Variants in SMARCC1 observed in about 807,000 individuals in gnomAD.
The protein encoded by SMARCC1 is SWI/SNF complex subunit SMARCC1.
Under a neutral mutation model 147.4 loss-of-function variants are expected in SMARCC1, and 43 were observed. The observed-to-expected ratio is 0.29, with a 90% CI of 0.23 to 0.38. The LOEUF is 0.38. SMARCC1 is among the 10% of genes least tolerant of loss of function. SMARCC1 has a pLI of 1.00. For synonymous variants in SMARCC1, 495 were observed against 484.4 expected (o/e 1.02, Z -0.29); for missense variants, 1,119 against 1,381.1 (o/e 0.81, Z 3.01).
chr3:47,668,561 A>C (rs1218727825), intron 19 of SMARCC1, among the ~76,000 whole-genome samples: 1 of 152,212 alleles, frequency 6.6e-6, no homozygotes, highest in African/African-American at 2.4e-5. Flanking sequence ...TTTACCCAAA[A>C]GCTGTGCTTT....
At chr3:47,606,594 A>C (rs1413972939) in intron 26 of SMARCC1, among the ~76,000 whole-genome samples, 1 of 152,226 alleles carries the variant, frequency 6.6e-6, no homozygotes, top group Non-Finnish European at 1.5e-5. Flanking sequence ...GTGAGCAGTT[A>C]ATGTGAATAT....
At position 47,635,221 on chromosome 3, in the gene SMARCC1, G is replaced by C. The variant is rs1402796980; in HGVS notation, c.2615C>G (p.Ala872Gly). ...TTTGGTAGCCGCTGAGGCAAGAGCA[G>C]CTGCTGCGGCTGTGGCAACATTTCC... Reference protein sequence around the residue: ...SEGNVATAAAAALASAATKAK... With the variant: ...SEGNVATAAAGALASAATKAK... Residue 872 changes from alanine (A) to glycine (G), a missense_variant, in exon 24 of 28, where the codon GCT becomes GGT. Transcript: ENST00000254480. 10 of 1,613,794 alleles carry C rather than the reference G, an allele frequency of 6.2e-6. No homozygotes were observed. The highest frequency in any genetic ancestry group is 7.6e-6 in the Non-Finnish European group (9 of 1,179,964).
At chr3:47,740,178 C>CTTTTTTTTTTTTTTTTTTTTTTTTTTTT in intron 3 of SMARCC1, among the ~76,000 whole-genome samples, 1 of 35,710 alleles carries the variant, frequency 2.8e-5, no homozygotes, top group Non-Finnish European at 5.6e-5. Flanking sequence ...GCCCGGCCAT[C>CTTTTTTTTTTTTTTTTTTTTTTTTTTTT]TTTTTTTTTT....
intron 1 of SMARCC1, among the ~76,000 whole-genome samples, chr3:47,781,265 G>C (rs1452934159): frequency 6.6e-6 from 1 of 152,154 alleles, no homozygotes; most frequent in African/African-American, 2.4e-5. Context: ...ACGCTTGCTC[G>C]GTCTTTAGGG....
At chr3:47,616,229 G>A (rs2032643690) in intron 25 of SMARCC1, among the ~76,000 whole-genome samples, 1 of 152,138 alleles carries the variant, frequency 6.6e-6, no homozygotes, top group African/African-American at 2.4e-5. Context: ...GTGTGCTTCT[G>A]CCTAGCATCA....
At chr3:47,621,688 C>G (rs2032734358) in intron 25 of SMARCC1, among the ~76,000 whole-genome samples, 1 of 152,004 alleles carries the variant, frequency 6.6e-6, no homozygotes, top group Non-Finnish European at 1.5e-5. Flanking sequence ...GACTGAAAAG[C>G]TACATATTGG....
chr3:47,633,773 TATATATACACACACACACACAC>T (rs1330085301), intron 24 of SMARCC1, among the ~76,000 whole-genome samples: 1 of 13,220 alleles, frequency 7.6e-5, no homozygotes, highest in African/African-American at 1.0e-4. Context: ...AATATATATA[TATATATACACACACACACACAC>T]ACACACACAC....
intron 2 of SMARCC1, among the ~76,000 whole-genome samples, chr3:47,754,846 C>T (rs992484410): frequency 1.3e-5 from 2 of 152,104 alleles, no homozygotes; most frequent in Admixed American, 1.3e-4. Context: ...AGTTCGAGAC[C>T]AGCCTAGCCA....
chr3:47,617,845 A>G (rs2032667330), intron 25 of SMARCC1, among the ~76,000 whole-genome samples: 1 of 152,248 alleles, frequency 6.6e-6, no homozygotes, highest in Non-Finnish European at 1.5e-5. Context: ...CCCAGATCCA[A>G]AGTTGGTCTG....
intron 13 of SMARCC1, among the ~76,000 whole-genome samples, chr3:47,687,596 T>C (rs992504911): frequency 1.3e-5 from 2 of 152,196 alleles, no homozygotes; most frequent in Non-Finnish European, 2.9e-5. Flanking sequence ...CTTTCCTTTT[T>C]AGCTGGGACC....
chr3:47,666,131 T>A (rs1033004414), intron 19 of SMARCC1, among the ~76,000 whole-genome samples: 2 of 152,172 alleles, frequency 1.3e-5, no homozygotes, highest in African/African-American at 4.8e-5. Flanking sequence ...TATTCCCTAC[T>A]CTTCACGTTT....
chr3:47,742,780 C>A (rs555057197), intron 3 of SMARCC1, among the ~76,000 whole-genome samples: 4 of 152,198 alleles, frequency 2.6e-5, no homozygotes, highest in African/African-American at 9.6e-5. Flanking sequence ...GCTGAGTTTT[C>A]CCACATTGCC....
intron 2 of SMARCC1, chr3:47,746,212 C>T (rs1006912757): frequency 1.6e-5 from 6 of 376,656 alleles, no homozygotes; most frequent in African/African-American, 6.3e-5. Flanking sequence ...ACTCTGGGAG[C>T]GTGAAACAGG....
chr3:47,748,391 G>GT (rs1378324322), intron 2 of SMARCC1, among the ~76,000 whole-genome samples: 2 of 151,706 alleles, frequency 1.3e-5, no homozygotes, highest in Non-Finnish European at 2.9e-5. Flanking sequence ...TTTTTTTTCT[G>GT]TTTTTTGCAT....
At chr3:47,599,405 C>T (rs1487148741) in intron 26 of SMARCC1, among the ~76,000 whole-genome samples, 1 of 152,178 alleles carries the variant, frequency 6.6e-6, no homozygotes, top group African/African-American at 2.4e-5. Context: ...ATAGCAGCCT[C>T]AGGAAACTAC....
chr3:47,671,342 A>T (rs1252492781), intron 18 of SMARCC1, among the ~76,000 whole-genome samples: 1 of 152,118 alleles, frequency 6.6e-6, no homozygotes, highest in Non-Finnish European at 1.5e-5. Flanking sequence ...GCATACCATA[A>T]ATCAGCTGTA....
intron 6 of SMARCC1, among the ~76,000 whole-genome samples, chr3:47,721,157 T>C (rs2034228648): frequency 1.3e-5 from 2 of 152,198 alleles, no homozygotes; most frequent in Non-Finnish European, 2.9e-5. Flanking sequence ...TAAACCGTAC[T>C]TCATCTCATT....
intron 4 of SMARCC1, among the ~76,000 whole-genome samples, chr3:47,737,066 G>C (rs1445227898): frequency 6.6e-6 from 1 of 152,112 alleles, no homozygotes; most frequent in East Asian, 1.9e-4. Context: ...TCAATCAAGT[G>C]AACAGTAGGA....
At chr3:47,698,663 TACAA>T (rs1471005206) in intron 11 of SMARCC1, among the ~76,000 whole-genome samples, 1 of 151,894 alleles carries the variant, frequency 6.6e-6, no homozygotes, top group Non-Finnish European at 1.5e-5. Context: ...TAATAAAACA[TACAA>T]ACCACAGAAG....
Sources: allele counts gnomAD v4.1 joint callset (sites outside exome capture counted in the v4.1 genomes callset), GRCh38; gene constraint gnomAD v4.1.1; transcripts MANE v1.5; gene names NCBI Gene and HGNC (gene_info 2026-07-23, HGNC 2026-07-21).